The following KDM4C variants were observed in gnomAD, a reference collection of about 807,000 sequenced individuals.
KDM4C encodes lysine-specific demethylase 4C.
In KDM4C, 81 loss-of-function variants were observed where a neutral mutation model predicts 129.3. The observed-to-expected ratio is 0.63, with a 90% CI of 0.52 to 0.75. The LOEUF (loss-of-function observed/expected upper bound fraction) is 0.75, where lower values mean the gene tolerates loss of function less well. KDM4C is among the 30% of genes least tolerant of loss of function. The pLI is 0.00. For synonymous variants in KDM4C, 573 were observed against 456.1 expected, an observed-to-expected ratio of 1.26 and a Z score of -3.26; for missense variants, 1,457 against 1,304.0, an observed-to-expected ratio of 1.12 and a Z score of -1.81.
chr9:7,118,211 G>T (rs940296728), intron 18 of KDM4C, among the ~76,000 whole-genome samples: 1 of 152,152 alleles, frequency 6.6e-6, no homozygotes, highest in Non-Finnish European at 1.5e-5. Flanking sequence ...CTGGGAAACT[G>T]CTTACCACCA....
chr9:6,981,239 T>C, intron 9 of KDM4C, 121 bp downstream of exon 9: 1 of 679,000 alleles, frequency 1.5e-6, no homozygotes, highest in Non-Finnish European at 2.4e-6. Context: ...AATACCTTTC[T>C]GAAAATGTGA....
chr9:6,877,736 G>A (rs568175261), intron 5 of KDM4C, among the ~76,000 whole-genome samples: 1 of 152,268 alleles, frequency 6.6e-6, no homozygotes, highest in South Asian at 2.1e-4. Flanking sequence ...CAATGATTTG[G>A]CTCTTGGTTG....
At chr9:7,104,140 C>T in intron 18 of KDM4C, 1 of 398,098 alleles carries the variant, frequency 2.5e-6, no homozygotes, top group Non-Finnish European at 4.7e-6. Context: ...CTCTCCATGC[C>T]TGTTCTGGTG....
At chr9:7,062,817 C>T (rs1408441198) in intron 17 of KDM4C, among the ~76,000 whole-genome samples, 1 of 151,920 alleles carries the variant, frequency 6.6e-6, no homozygotes, top group African/African-American at 2.4e-5. Flanking sequence ...ATGAAGTGAC[C>T]ATTGATGTTT....
chr9:7,158,913 G>A (rs986597366), intron 19 of KDM4C, among the ~76,000 whole-genome samples: 2 of 152,120 alleles, frequency 1.3e-5, no homozygotes, highest in South Asian at 2.1e-4. Context: ...CTTCTGTCTC[G>A]TTGATCTGTC....
At chr9:6,926,263 A>G (rs1589139283) in intron 8 of KDM4C, among the ~76,000 whole-genome samples, 1 of 150,538 alleles carries the variant, frequency 6.6e-6, no homozygotes, top group African/African-American at 2.4e-5. Flanking sequence ...AGGAAAAATA[A>G]TGTAAGAATT....
Position 6,805,710 on chromosome 9 carries a change from C to G in KDM4C, c.256C>G (p.Gln86Glu), listed in dbSNP as rs1453237756. Residue 86 changes from glutamine to glutamate, a missense_variant, in exon 3 of 22, where the codon CAG becomes GAG. Physicochemically the swap from Gln to Glu is conservative, Grantham distance 29 (BLOSUM62 2). Transcript: ENST00000381309. ...CACAGGGCAGTCAGGACTGTTCACTCAGTACAACATCCAGAAAAAAGCGAT... is the reference window on the plus strand; with the variant it reads ...CACAGGGCAGTCAGGACTGTTCACTGAGTACAACATCCAGAAAAAAGCGAT... The part of the protein sequence containing the change: ...MVTGQSGLFT[Q>E]YNIQKKAMTV... 2.5e-6 allele frequency: 4 copies of G among 1,614,004 alleles called. No individual in the cohort carries two copies. The highest frequency in any genetic ancestry group is 2.5e-6 in the Non-Finnish European group (3 of 1,180,006).
At chr9:6,853,875 G>A (rs938471815) in intron 5 of KDM4C, among the ~76,000 whole-genome samples, 1 of 152,130 alleles carries the variant, frequency 6.6e-6, no homozygotes, top group Non-Finnish European at 1.5e-5. Flanking sequence ...TTCATCATGA[G>A]TTTCTTTCAC....
At chr9:6,808,936 C>G (rs1042856103) in intron 3 of KDM4C, among the ~76,000 whole-genome samples, 11 of 152,040 alleles carry the variant, frequency 7.2e-5, no homozygotes, top group African/African-American at 2.7e-4. Context: ...ATAAATCTTA[C>G]AAAAACAAAA....
At chr9:6,805,535 C>A in intron 2 of KDM4C, 64 bp from the exon 3 acceptor site, 5 of 1,079,286 alleles carry the variant, frequency 4.6e-6, no homozygotes, top group Non-Finnish European at 5.1e-6. Flanking sequence ...TATCAGAATA[C>A]TTAAAAGCTA....
intron 4 of KDM4C, among the ~76,000 whole-genome samples, chr9:6,836,437 T>G (rs1005835249): frequency 1.3e-5 from 2 of 152,166 alleles, no homozygotes; most frequent in African/African-American, 2.4e-5. Flanking sequence ...GTACAATATA[T>G]TTAAGTTTTA....
intron 15 of KDM4C, among the ~76,000 whole-genome samples, chr9:7,018,748 CTGAT>C (rs1327007439): frequency 1.3e-5 from 2 of 152,228 alleles, no homozygotes; most frequent in Admixed American, 1.3e-4. Flanking sequence ...AAAGCTGGTT[CTGAT>C]TGATTATGCT....
chr9:6,802,105 C>CAAAAAAA (rs34465609), intron 2 of KDM4C, among the ~76,000 whole-genome samples: 3 of 117,726 alleles, frequency 2.5e-5, no homozygotes, highest in Non-Finnish European at 3.7e-5. Context: ...AACTTTGTCT[C>CAAAAAAA]AAAAAAAAAA....
intron 8 of KDM4C, among the ~76,000 whole-genome samples, chr9:6,922,462 C>A (rs182820746): frequency 6.6e-6 from 1 of 152,328 alleles, no homozygotes; most frequent in East Asian, 1.9e-4. Flanking sequence ...CAGCAATCTT[C>A]CAGGCTGTGC....
intron 1 of KDM4C, among the ~76,000 whole-genome samples, chr9:6,761,493 T>A (rs1819487076): frequency 6.6e-6 from 1 of 152,024 alleles, no homozygotes; most frequent in Non-Finnish European, 1.5e-5. Context: ...CATGCCATCA[T>A]GCCTGGCTGA....
intron 5 of KDM4C, among the ~76,000 whole-genome samples, chr9:6,875,778 C>T (rs1181740372): frequency 2.0e-5 from 3 of 152,180 alleles, no homozygotes; most frequent in African/African-American, 4.8e-5. Flanking sequence ...TTTCTACCCC[C>T]GCTACTTACA....
chr9:6,958,084 C>CTTTTT (rs34489986), intron 8 of KDM4C, among the ~76,000 whole-genome samples: 9 of 144,136 alleles, frequency 6.2e-5, no homozygotes, highest in African/African-American at 1.8e-4. Context: ...AGCAAAGTAG[C>CTTTTT]TTTTTTTTTT....
intron 8 of KDM4C, among the ~76,000 whole-genome samples, chr9:6,920,552 G>GACTCCATCTCAAAAA (rs144597572): frequency 0.11 from 9,990 of 87,382 alleles, 941 homozygotes; most frequent in African/African-American, 0.28. Context: ...AACAGAACAA[G>GACTCCATCTCAAAAA]AAAAAAAAAA....
chr9:6,824,298 G>A (rs959392000), intron 4 of KDM4C, among the ~76,000 whole-genome samples: 1 of 152,188 alleles, frequency 6.6e-6, no homozygotes, highest in Non-Finnish European at 1.5e-5. Flanking sequence ...CCAGTCTCTA[G>A]CATAGGGTCT....
Sources: allele counts gnomAD v4.1 joint callset (sites outside exome capture counted in the v4.1 genomes callset), GRCh38; gene constraint gnomAD v4.1.1; transcripts MANE v1.5; gene names NCBI Gene and HGNC (gene_info 2026-07-23, HGNC 2026-07-21).